The following AKAP6 variants were observed in gnomAD, a reference collection of about 807,000 sequenced individuals.
AKAP6 encodes A-kinase anchor protein 6.
AKAP6 carries 58 observed loss-of-function variants against 188.5 expected under a neutral mutation model. The observed-to-expected ratio is 0.31, with a 90% CI of 0.25 to 0.38. The LOEUF is 0.38. AKAP6 is among the 10% of genes least tolerant of loss of function. The pLI is 1.00. For synonymous variants in AKAP6, 989 were observed against 998.6 expected, an observed-to-expected ratio of 0.99 and a Z score of 0.18; for missense variants, 2,710 against 2,740.0, an observed-to-expected ratio of 0.99 and a Z score of 0.24.
chr14:32,822,505 T>C lies in AKAP6; in HGVS notation c.4692T>C (p.His1564=), dbSNP rs2034554891. 6.2e-7 allele frequency: 1 copy of C among 1,614,058 alleles called. No individual in the cohort carries two copies. Among genetic ancestry groups the C allele is most frequent in the East Asian group, 2.2e-5 (1 of 44,870 alleles). The change falls in exon 13 of 14, where the codon CAT becomes CAC. Residue 1564 remains histidine, a synonymous_variant. Coordinates refer to ENST00000280979, the MANE Select transcript of AKAP6 (RefSeq NM_004274.5). ...CCAAACAGCTCTCCCTTTTATCTCA[T>C]AGTTCATCTATTGAGTCCCTTTCTC... The part of the protein sequence containing the change: ...QNAKQLSLLS[H]SSSIESLSPG...
At chr14:32,475,118 T>C (rs1208722625) in intron 2 of AKAP6, among the ~76,000 whole-genome samples, 3 of 152,208 alleles carry the variant, frequency 2.0e-5, no homozygotes, top group Non-Finnish European at 1.5e-5. Context: ...GGTTTATGGA[T>C]GTATAATAAT....
chr14:32,547,033 A>C, intron 4 of AKAP6, 34 bp downstream of exon 4: 1 of 1,550,330 alleles, frequency 6.5e-7, no homozygotes, highest in Non-Finnish European at 8.6e-7. Flanking sequence ...ATGATTTCTC[A>C]CTTGAGTTTT....
At chr14:32,792,710 A>T (rs796628963) in intron 12 of AKAP6, among the ~76,000 whole-genome samples, 3 of 152,250 alleles carry the variant, frequency 2.0e-5, no homozygotes, top group African/African-American at 7.2e-5. Context: ...TTTCAAAGGG[A>T]ATGCTTCTAG....
At chr14:32,497,021 A>G (rs1021164846) in intron 2 of AKAP6, among the ~76,000 whole-genome samples, 1 of 152,092 alleles carries the variant, frequency 6.6e-6, no homozygotes, top group South Asian at 2.1e-4. Flanking sequence ...AGTGCTGCCT[A>G]CGGTGTTTTT....
chr14:32,629,725 T>C (rs1461707254), intron 7 of AKAP6, among the ~76,000 whole-genome samples: 1 of 150,786 alleles, frequency 6.6e-6, no homozygotes, highest in African/African-American at 2.5e-5. Flanking sequence ...AGAACCTGGA[T>C]TTTTAAATAT....
chr14:32,365,381 A>AAC (rs3837671), intron 1 of AKAP6, among the ~76,000 whole-genome samples: 23,228 of 151,990 alleles, frequency 0.15, 3,890 homozygotes, highest in African/African-American at 0.42. Flanking sequence ...CATTGGCAGG[A>AAC]ACTTGCCATC....
chr14:32,344,881 A>G (rs983931335), intron 1 of AKAP6, among the ~76,000 whole-genome samples: 6 of 147,406 alleles, frequency 4.1e-5, no homozygotes, highest in Non-Finnish European at 8.9e-5. Flanking sequence ...GCACCACTAC[A>G]CTCCAGCCTG....
At chr14:32,703,891 T>G (rs1890711146) in intron 9 of AKAP6, among the ~76,000 whole-genome samples, 1 of 152,222 alleles carries the variant, frequency 6.6e-6, no homozygotes, top group Admixed American at 6.5e-5. Context: ...GTTATGTAAA[T>G]GTAATGCTCA....
Position 32,545,469 on chromosome 14 carries a change from T to C in AKAP6, c.816T>C (p.Val272=), listed in dbSNP as rs1483214419. 33 of 1,614,100 alleles carry C rather than the reference T, an allele frequency of 2.0e-5. No homozygotes were observed. The highest frequency in any genetic ancestry group is 2.7e-5 in the Non-Finnish European group (32 of 1,180,020). Residue 272 remains valine (V), a synonymous_variant, in exon 4 of 14, where the codon GTT becomes GTC. Coordinates refer to ENST00000280979, the MANE Select transcript of AKAP6 (RefSeq NM_004274.5). ...EKEFPELIRS[V]GLLTVAADSI... ...AGTTTCCTGAGCTTATCCGAAGTGT[T>C]GGTTTACTTACGGTAGCTGCTGACT...
At chr14:32,697,821 C>T (rs552389408) in intron 9 of AKAP6, among the ~76,000 whole-genome samples, 1 of 152,144 alleles carries the variant, frequency 6.6e-6, no homozygotes, top group African/African-American at 2.4e-5. Flanking sequence ...CTTGCAGTTT[C>T]CTTATAAGTG....
chr14:32,787,523 CCA>C (rs2033458767), intron 12 of AKAP6, among the ~76,000 whole-genome samples: 1 of 151,774 alleles, frequency 6.6e-6, no homozygotes, highest in African/African-American at 2.4e-5. Flanking sequence ...TTCACCCCCC[CCA>C]AAAAAATTAA....
intron 2 of AKAP6, among the ~76,000 whole-genome samples, chr14:32,485,247 A>G (rs2138918943): frequency 6.6e-6 from 1 of 150,412 alleles, no homozygotes; most frequent in East Asian, 2.0e-4. Context: ...AGTCTTTGCT[A>G]TTGTGAATAG....
chr14:32,357,671 G>A (rs1436150173), intron 1 of AKAP6, among the ~76,000 whole-genome samples: 2 of 152,160 alleles, frequency 1.3e-5, no homozygotes, highest in African/African-American at 4.8e-5. Flanking sequence ...ATGAAAATTA[G>A]AAAAAGACGT....
rs143136502 is a variant in AKAP6 at position 32,732,132 on chromosome 14, C to T, written c.3001-322C>T. On this transcript the variant is annotated intron_variant, in intron 9 of 13. Transcript: ENST00000280979. ...ACAGCACTCTGGAACCAAATAATGG[C>T]CAAAATTAACTGTAATATTAAACCC... Among the ~76,000 whole-genome samples the T allele has an allele frequency of 4.0e-5, 6 of 151,870 alleles. No homozygotes were observed. In the East Asian group the frequency reaches 1.2e-3, roughly 29 times the overall value.
Position 32,508,965 on chromosome 14 carries a change from T to C in AKAP6, c.325-26589T>C, listed in dbSNP as rs907459070. 3.3e-5 allele frequency among the ~76,000 whole-genome samples: 5 copies of C among 150,478 alleles called. No homozygotes were observed. In the East Asian group the frequency reaches 1.0e-3, roughly 30 times the overall value. On this transcript the variant is annotated intron_variant, in intron 2 of 13. Coordinates refer to ENST00000280979, the MANE Select transcript of AKAP6 (RefSeq NM_004274.5). ...TCAGCTTCCCAGGTAGCTGGGACTA[T>C]AGGCGTGCACCACCATGCCCAGCTA...
chr14:32,574,006 G>A (rs1403354609), intron 4 of AKAP6, among the ~76,000 whole-genome samples: 1 of 152,132 alleles, frequency 6.6e-6, no homozygotes, highest in Non-Finnish European at 1.5e-5. Context: ...TGGAAAAATA[G>A]CATGTGATAA....
chr14:32,541,049 G>C (rs190269818), intron 3 of AKAP6, among the ~76,000 whole-genome samples: 2 of 151,642 alleles, frequency 1.3e-5, no homozygotes, highest in Non-Finnish European at 2.9e-5. Flanking sequence ...CCTGTTCCCC[G>C]ATAACCTATG....
intron 2 of AKAP6, among the ~76,000 whole-genome samples, chr14:32,466,474 G>T (rs555332332): frequency 6.6e-6 from 1 of 152,054 alleles, no homozygotes; most frequent in Non-Finnish European, 1.5e-5. Context: ...ACTAACGCAG[G>T]AACAGAAAAC....
chr14:32,696,623 A>G (rs111847074), intron 9 of AKAP6, among the ~76,000 whole-genome samples: 70 of 152,284 alleles, frequency 4.6e-4, no homozygotes, highest in African/African-American at 1.6e-3. Flanking sequence ...ATACATTTCC[A>G]TGTGATTTAA....
Sources: gnomAD v4.1 joint callset for allele counts (sites outside exome capture counted in the v4.1 genomes callset) on GRCh38, gnomAD v4.1.1 for gene constraint, MANE v1.5 for transcripts, NCBI Gene and HGNC (gene_info 2026-07-23, HGNC 2026-07-21) for gene names.